Variants in MRC1 observed in about 807,000 individuals in gnomAD.
MRC1 encodes mannose receptor C-type 1.
Under a neutral mutation model 102.9 loss-of-function variants are expected in MRC1, and 62 were observed. The ratio of observed to expected loss-of-function variants is 0.60; its 90% CI spans 0.49 to 0.74. The LOEUF (loss-of-function observed/expected upper bound fraction) is 0.74, where lower values mean the gene tolerates loss of function less well. Ranked by LOEUF, MRC1 falls within the 30% of genes least tolerant of loss-of-function variation. MRC1 has a pLI of 0.00. For synonymous variants in MRC1, 457 were observed against 298.4 expected (o/e 1.53, Z -5.48); for missense variants, 1,237 against 862.8 (o/e 1.43, Z -5.43).
intron 22 of MRC1, among the ~76,000 whole-genome samples, chr10:17,890,102 G>C (rs1833652331): frequency 6.6e-6 from 1 of 152,068 alleles, no homozygotes; most frequent in African/African-American, 2.4e-5. Flanking sequence ...AGAATTCTAG[G>C]TTGGTGGGTT....
chr10:17,883,611 C>T (rs1833549299), intron 21 of MRC1, among the ~76,000 whole-genome samples: 1 of 152,170 alleles, frequency 6.6e-6, no homozygotes, highest in African/African-American at 2.4e-5. Context: ...CATGAATACA[C>T]AGATAATTGC....
At chr10:17,853,574 G>GTA (rs1204391317) in intron 8 of MRC1, among the ~76,000 whole-genome samples, 5 of 134,218 alleles carry the variant, frequency 3.7e-5, no homozygotes, top group Non-Finnish European at 8.1e-5. Context: ...ATATATGTAT[G>GTA]TGTGTGTGTG....
At chr10:17,886,216 T>C (rs1833590612) in intron 22 of MRC1, among the ~76,000 whole-genome samples, 1 of 152,196 alleles carries the variant, frequency 6.6e-6, no homozygotes, top group Admixed American at 6.5e-5. Flanking sequence ...GTGTCCTATG[T>C]GCTAGACACT....
At chr10:17,822,630 A>G (rs1554838351) in intron 1 of MRC1, among the ~76,000 whole-genome samples, 2 of 152,248 alleles carry the variant, frequency 1.3e-5, no homozygotes, top group Admixed American at 6.5e-5. Flanking sequence ...TTTAAAAACA[A>G]CAAACAAACA....
chr10:17,879,900 T>C (rs1833490128), intron 19 of MRC1, 79 bp downstream of exon 19: 38 of 779,812 alleles, frequency 4.9e-5, no homozygotes. Context: ...AAGTAGCAAG[T>C]TGTGTGCTTA....
rs1226435499 is a variant in MRC1, at chr10:17,873,784, G to C, written c.2345G>C (p.Gly782Ala). ...TTTCTATTTTTCTCTTGTTTTACAG[G>C]ACAAACACCAAAACCTGAGCCAACA... ...LNNWICQIQK[G>A]QTPKPEPTPA... The change falls in exon 16 of 30, where the codon GGA becomes GCA. Residue 782 changes from glycine to alanine, a missense_variant and splice_region_variant. Coordinates refer to ENST00000569591, the MANE Select transcript of MRC1 (RefSeq NM_002438.4). The C allele has an allele frequency of 3.4e-6, 3 of 872,526 alleles. No individual in the cohort carries two copies. Among genetic ancestry groups the C allele is most frequent in the Non-Finnish European group, 6.0e-6 (3 of 501,380 alleles). The allele number at this position is 872,526 out of a possible 1,614,324, so 54.0% of individuals were successfully genotyped here.
chr10:17,875,066 T>C (rs1367998699), intron 16 of MRC1, 24 bp from the exon 17 acceptor site: 6 of 780,776 alleles, frequency 7.7e-6, no homozygotes, highest in Non-Finnish European at 1.4e-5. Flanking sequence ...TAAAACTCAT[T>C]GCCTTTTCTC....
chr10:17,827,015 C>T (rs1005926263), intron 2 of MRC1, among the ~76,000 whole-genome samples: 2 of 151,768 alleles, frequency 1.3e-5, no homozygotes, highest in African/African-American at 2.4e-5. Flanking sequence ...TTTTTTTAAT[C>T]TAGAGATTCC....
intron 29 of MRC1, among the ~76,000 whole-genome samples, chr10:17,909,984 C>G (rs1309594303): frequency 6.6e-6 from 1 of 151,834 alleles, no homozygotes; most frequent in Non-Finnish European, 1.5e-5. Context: ...ATGAACTAGC[C>G]CACTGCTACA....
Position 17,861,981 on chromosome 10 carries a change from G to C in MRC1, c.1634+479G>C, listed in dbSNP as rs1046170232. On this transcript the variant is annotated intron_variant, in intron 10 of 29. Coordinates refer to ENST00000569591, the MANE Select transcript of MRC1 (RefSeq NM_002438.4). ...AGGTCAGGAAAATCACATGGACATA[G>C]AGGAGCTTATGTAATTTTTTATCTC... Among the ~76,000 whole-genome samples, 1,100 of 152,298 alleles carry C rather than the reference G, an allele frequency of 7.2e-3. 5 individuals are homozygous for C. Among genetic ancestry groups the C allele is most frequent in the Non-Finnish European group, 8.9e-3 (605 of 68,004 alleles).
At chr10:17,847,438 C>T (rs1838842450) in intron 6 of MRC1, among the ~76,000 whole-genome samples, 1 of 152,326 alleles carries the variant, frequency 6.6e-6, no homozygotes. Flanking sequence ...CACTTGATGT[C>T]AGTTTCTGAA....
rs942629931 is a variant in MRC1 at position 17,902,117 on chromosome 10, G to A, written c.3794G>A (p.Arg1265Gln). The change falls in exon 26 of 30, where the codon CGA becomes CAA. Residue 1265 changes from arginine to glutamine, a missense_variant. Coordinates refer to ENST00000569591, the MANE Select transcript of MRC1 (RefSeq NM_002438.4). The stretch of plus-strand genomic sequence containing the variant: ...GGCCAAGCTTCTCTGGAATGTCTTC[G>A]AATGGGTGAGTGCCACATTTCCTGA... ...NWGQASLECLRMGSSLVSIES... is the reference protein window; with the variant it reads ...NWGQASLECLQMGSSLVSIES... 2 of 780,164 alleles carry A rather than the reference G, an allele frequency of 2.6e-6. No homozygotes were observed. Among genetic ancestry groups the A allele is most frequent in the African/African-American group, 1.7e-5 (1 of 59,056 alleles). 48.3% of individuals were successfully genotyped at this position (780,164 alleles called of 1,614,324 possible).
chr10:17,870,491 C>A, intron 13 of MRC1, 118 bp downstream of exon 13: 1 of 764,048 alleles, frequency 1.3e-6, no homozygotes, highest in South Asian at 1.4e-5. Flanking sequence ...GCACCTGTAT[C>A]ATCTCCCAAA....
intron 22 of MRC1, among the ~76,000 whole-genome samples, chr10:17,889,377 T>C (rs2130703056): frequency 6.6e-6 from 1 of 152,332 alleles, no homozygotes; most frequent in East Asian, 1.9e-4. Context: ...ATTTTATTTG[T>C]TCTCCACTCC....
At chr10:17,903,382 CTTTTTTTTTCTTTTTTTT>C (rs1833854289) in intron 26 of MRC1, among the ~76,000 whole-genome samples, 2 of 125,052 alleles carry the variant, frequency 1.6e-5, no homozygotes, top group Non-Finnish European at 3.3e-5. Flanking sequence ...TTTTTCTTTT[CTTTTTTTTTCTTTTTTTT>C]TTTTTTTTTT....
At chr10:17,881,824 AT>A (rs1157937578) in intron 21 of MRC1, among the ~76,000 whole-genome samples, 3 of 94,378 alleles carry the variant, frequency 3.2e-5, no homozygotes, top group African/African-American at 1.1e-4. Context: ...CTCGCCTAAT[AT>A]TTTTTAAAGT....
At position 17,907,766 on chromosome 10, in the gene MRC1, G is replaced by T. The variant is rs1487449582; in HGVS notation, c.4078+68G>T. 3.9e-6 allele frequency: 3 copies of T among 773,056 alleles called. No individual in the cohort carries two copies. In the Admixed American group the frequency reaches 5.1e-5, roughly 13 times the overall value. The allele number at this position is 773,056 out of a possible 1,614,324, so 47.9% of individuals were successfully genotyped here. A position where few individuals can be genotyped will look rare whatever the true frequency, so the allele number is the denominator to read the frequency against. ...ATTTCTTTCAAATAGTAAGATATCAGGTATGGAATCATAATGTGATTACGA... is the reference window on the plus strand; with the variant it reads ...ATTTCTTTCAAATAGTAAGATATCATGTATGGAATCATAATGTGATTACGA... On this transcript the variant is annotated intron_variant, in intron 28 of 29. Transcript: ENST00000569591.
At chr10:17,867,617 C>T (rs1017182748) in intron 12 of MRC1, among the ~76,000 whole-genome samples, 2 of 152,038 alleles carry the variant, frequency 1.3e-5, no homozygotes, top group Non-Finnish European at 2.9e-5. Flanking sequence ...AAGATGGGGT[C>T]TCACTATGTT....
At chr10:17,830,078 G>A (rs1157822007) in intron 3 of MRC1, among the ~76,000 whole-genome samples, 1 of 151,228 alleles carries the variant, frequency 6.6e-6, no homozygotes, top group Non-Finnish European at 1.5e-5. Flanking sequence ...GGGCTTTATA[G>A]TCTTCCAGTC....
Sources: gnomAD v4.1 joint callset for allele counts (sites outside exome capture counted in the v4.1 genomes callset) on GRCh38, gnomAD v4.1.1 for gene constraint, MANE v1.5 for transcripts, NCBI Gene and HGNC (gene_info 2026-07-23, HGNC 2026-07-21) for gene names.